Variants in SERGEF observed in about 807,000 individuals in gnomAD.
The protein encoded by SERGEF is secretion regulating guanine nucleotide exchange factor.
Under a neutral mutation model 50.0 loss-of-function variants are expected in SERGEF, and 51 were observed. The ratio of observed to expected loss-of-function variants is 1.02; its 90% CI spans 0.81 to 1.29. The LOEUF is 1.29. Ranked by LOEUF, SERGEF falls within the 50% of genes most tolerant of loss-of-function variation. The pLI, the probability that SERGEF is intolerant of heterozygous loss-of-function variation, is 0.00. For synonymous variants in SERGEF, 205 were observed against 212.4 expected, an observed-to-expected ratio of 0.97 and a Z score of 0.30; for missense variants, 521 against 557.0, an observed-to-expected ratio of 0.94 and a Z score of 0.65.
At chr11:17,869,747 C>T (rs941396236) in intron 10 of SERGEF, among the ~76,000 whole-genome samples, 1 of 152,242 alleles carries the variant, frequency 6.6e-6, no homozygotes, top group African/African-American at 2.4e-5. Flanking sequence ...AACATTCAGA[C>T]TCTATAGCAA....
chr11:17,936,827 G>T (rs906738728), intron 9 of SERGEF, among the ~76,000 whole-genome samples: 4 of 152,194 alleles, frequency 2.6e-5, no homozygotes, highest in African/African-American at 9.7e-5. Context: ...TGAGCGTAGG[G>T]ATCAAGGATG....
intron 9 of SERGEF, among the ~76,000 whole-genome samples, chr11:17,947,946 C>T (rs1852696377): frequency 6.7e-6 from 1 of 149,732 alleles, no homozygotes; most frequent in Admixed American, 6.6e-5. Context: ...GTTCCTAATC[C>T]ATTCTTTTTT....
chr11:17,983,167 G>A (rs1160397847), intron 8 of SERGEF, among the ~76,000 whole-genome samples: 1 of 152,166 alleles, frequency 6.6e-6, no homozygotes, highest in Non-Finnish European at 1.5e-5. Context: ...GCATGATTCA[G>A]GGAAAGCTTC....
chr11:17,937,568 T>G (rs61884489), intron 9 of SERGEF, among the ~76,000 whole-genome samples: 5 of 151,892 alleles, frequency 3.3e-5, no homozygotes, highest in African/African-American at 4.8e-5. Flanking sequence ...TAAAATAAAA[T>G]GTATTACAAT....
intron 8 of SERGEF, among the ~76,000 whole-genome samples, chr11:17,967,908 A>T (rs897597891): frequency 1.3e-5 from 2 of 152,176 alleles, no homozygotes; most frequent in African/African-American, 2.4e-5. Context: ...CACTTATGGA[A>T]TCCTACTCCC....
At chr11:17,882,069 T>C (rs906485955) in intron 9 of SERGEF, among the ~76,000 whole-genome samples, 1 of 152,250 alleles carries the variant, frequency 6.6e-6, no homozygotes, top group African/African-American at 2.4e-5. Context: ...TTATGCATGC[T>C]ATGCTCCTTG....
At chr11:17,949,402 C>A (rs1047874297) in intron 9 of SERGEF, among the ~76,000 whole-genome samples, 1 of 151,908 alleles carries the variant, frequency 6.6e-6, no homozygotes, top group East Asian at 1.9e-4. Flanking sequence ...AGCTTCCAAG[C>A]AAGAAGCTCC....
chr11:17,891,916 T>C lies in SERGEF; in HGVS notation c.1012-13672A>G, dbSNP rs181540113. 1.9e-3 allele frequency among the ~76,000 whole-genome samples: 288 copies of C among 152,356 alleles called. 1 individual carries two copies. Among genetic ancestry groups the C allele is most frequent in the South Asian group, 0.015 (72 of 4,828 alleles). On this transcript the variant is annotated intron_variant, in intron 9 of 10. Transcript: ENST00000265965. The stretch of plus-strand genomic sequence containing the variant: ...ATTTTTCCTAAGCCACCACCTTCTT[T>C]GGTCTCCTTGTCTATCTTTTAGGAT...
At chr11:17,966,784 G>A (rs1016118844) in intron 8 of SERGEF, among the ~76,000 whole-genome samples, 3 of 152,074 alleles carry the variant, frequency 2.0e-5, no homozygotes, top group Non-Finnish European at 4.4e-5. Flanking sequence ...AATACAGGCT[G>A]CCTAACTAAA....
intron 9 of SERGEF, among the ~76,000 whole-genome samples, chr11:17,900,405 C>T (rs563163006): frequency 1.3e-5 from 2 of 152,340 alleles, no homozygotes; most frequent in Non-Finnish European, 2.9e-5. Context: ...TCAATCTCGG[C>T]ATTGCTATCA....
At chr11:17,804,124 G>A (rs1849716860) in intron 10 of SERGEF, among the ~76,000 whole-genome samples, 3 of 152,288 alleles carry the variant, frequency 2.0e-5, no homozygotes, top group South Asian at 4.2e-4. Flanking sequence ...TCAGAAGTAG[G>A]ACACTATTTT....
intron 10 of SERGEF, among the ~76,000 whole-genome samples, chr11:17,868,404 C>T (rs1851072559): frequency 6.6e-6 from 1 of 152,214 alleles, no homozygotes; most frequent in Admixed American, 6.5e-5. Context: ...AGTTCCTCAT[C>T]TCCATCTTAG....
chr11:18,006,967 GTCAA>G (rs1027358523), intron 2 of SERGEF, among the ~76,000 whole-genome samples: 5 of 152,290 alleles, frequency 3.3e-5, no homozygotes, highest in Middle Eastern at 3.4e-3. Context: ...TGGCGCAGTG[GTCAA>G]TCAATCACCA....
chr11:17,875,231 C>A (rs17793120), intron 10 of SERGEF, among the ~76,000 whole-genome samples: 1 of 152,154 alleles, frequency 6.6e-6, no homozygotes, highest in Non-Finnish European at 1.5e-5. Flanking sequence ...GCAGACAGCT[C>A]TACTATTTAT....
At chr11:17,935,505 T>C (rs2133951159) in intron 9 of SERGEF, among the ~76,000 whole-genome samples, 1 of 152,186 alleles carries the variant, frequency 6.6e-6, no homozygotes, top group Admixed American at 6.5e-5. Context: ...ACTAAGAATG[T>C]ATAGAATCAT....
At chr11:17,959,408 A>G (rs1336074614) in intron 9 of SERGEF, 62 bp downstream of exon 9, 4 of 1,459,564 alleles carry the variant, frequency 2.7e-6, no homozygotes, top group Non-Finnish European at 2.8e-6. Flanking sequence ...GGCCCTCAGT[A>G]AATGATTCAC....
chr11:17,995,747 T>TA, intron 6 of SERGEF, 49 bp downstream of exon 6: 1 of 1,282,348 alleles, frequency 7.8e-7, no homozygotes, highest in East Asian at 2.4e-5. Flanking sequence ...TTTATGTCTC[T>TA]ACTTCCTGAC....
At chr11:17,903,254 C>A (rs1851779073) in intron 9 of SERGEF, among the ~76,000 whole-genome samples, 1 of 152,062 alleles carries the variant, frequency 6.6e-6, no homozygotes, top group African/African-American at 2.4e-5. Context: ...CTGTGACTCA[C>A]TGCGGAAGCC....
intron 9 of SERGEF, among the ~76,000 whole-genome samples, chr11:17,942,132 A>G (rs1367885129): frequency 2.6e-5 from 4 of 152,172 alleles, no homozygotes; most frequent in African/African-American, 9.7e-5. Context: ...CAGCTTATCA[A>G]CTTCAACCCC....
Sources: allele counts gnomAD v4.1 joint callset (sites outside exome capture counted in the v4.1 genomes callset), GRCh38; gene constraint gnomAD v4.1.1; transcripts MANE v1.5; gene names NCBI Gene and HGNC (gene_info 2026-07-23, HGNC 2026-07-21).